NBAS: variants seen among roughly 807,000 people sequenced by gnomAD.
NBAS encodes the protein NAG/BC035112 fusion.
A neutral mutation model predicts 302.5 loss-of-function variants in NBAS; 219 were observed. That is an observed-to-expected ratio of 0.72 (90% CI 0.65 to 0.81). NBAS has a LOEUF of 0.81. NBAS is among the 30% of genes least tolerant of loss of function. The probability of loss-of-function intolerance (pLI) is 0.00; values close to 1 mark genes in which losing one functional copy is unlikely to be tolerated. For synonymous variants in NBAS, 1,118 were observed against 1,021.6 expected, an observed-to-expected ratio of 1.09 and a Z score of -1.80; for missense variants, 2,932 against 2,841.6, an observed-to-expected ratio of 1.03 and a Z score of -0.72.
At chr2:15,393,557 C>A (rs1675710387) in intron 28 of NBAS, 1 of 391,850 alleles carries the variant, frequency 2.6e-6, no homozygotes, top group Non-Finnish European at 5.2e-6. Context: ...TGAAAGTTAA[C>A]TATTCACTTA....
In NBAS at chr2:15,539,368, G is replaced by C. The variant is rs1181368551; in HGVS notation, c.380-12C>G. 6.2e-7 allele frequency: 1 copy of C among 1,614,084 alleles called. No individual in the cohort carries two copies. The highest frequency in any genetic ancestry group is 1.7e-4 in the Middle Eastern group (1 of 6,060). On this transcript the variant is annotated splice_polypyrimidine_tract_variant and intron_variant, in intron 6 of 51. Coordinates refer to ENST00000281513, the MANE Select transcript of NBAS (RefSeq NM_015909.4). ...CGGGTCTTTCGGAACTAGAACAAAA[G>C]AAAACAAGAGGTGCTTCTAACAATA...
At chr2:15,550,902 C>T (rs7568459) in intron 6 of NBAS, among the ~76,000 whole-genome samples, 96,922 of 151,954 alleles carry the variant, frequency 0.64, 31,643 homozygotes, top group Non-Finnish European at 0.68. Context: ...TTTCTTAAAG[C>T]TGCTTTCCAA....
intron 50 of NBAS, among the ~76,000 whole-genome samples, chr2:15,182,667 G>A (rs1367776323): frequency 6.6e-6 from 1 of 152,180 alleles, no homozygotes; most frequent in Non-Finnish European, 1.5e-5. Context: ...AACTGTTTAT[G>A]CCAATTTCTT....
chr2:14,844,957 C>A, the NBAS span, among the ~76,000 whole-genome samples: 1 of 152,186 alleles, frequency 6.6e-6, no homozygotes. Context: ...ACTCTGAAAC[C>A]AAATGGGGTC....
rs138477845 is a variant in NBAS, at chr2:15,389,174, G to A, written c.3257+5053C>T. ...TCTCAAACAATGATAGCCACGAGAG[G>A]GTAGATGAGTAGTTCTCCAACTCCC... is the stretch of plus-strand genomic sequence containing the variant. On this transcript the variant is annotated intron_variant, in intron 28 of 51. Transcript: ENST00000281513. 5.1e-3 allele frequency among the ~76,000 whole-genome samples: 775 copies of A among 152,254 alleles called. 3 individuals carry two copies. The highest frequency in any genetic ancestry group is 0.017 in the African/African-American group (689 of 41,542).
At chr2:15,171,068 T>C (rs1168230697) in intron 51 of NBAS, among the ~76,000 whole-genome samples, 1 of 152,232 alleles carries the variant, frequency 6.6e-6, no homozygotes, top group African/African-American at 2.4e-5. Flanking sequence ...ACTTTAGTAC[T>C]ATCTGCCACA....
the NBAS span, among the ~76,000 whole-genome samples, chr2:15,096,554 G>T: frequency 6.6e-6 from 1 of 152,156 alleles, no homozygotes; most frequent in South Asian, 2.1e-4. Flanking sequence ...TCCTCCTAAG[G>T]CCCTCAGGGC....
the NBAS span, among the ~76,000 whole-genome samples, chr2:14,809,694 C>A: frequency 7.9e-5 from 12 of 152,192 alleles, no homozygotes; most frequent in Non-Finnish European, 1.5e-4. Flanking sequence ...TGGCTACCAC[C>A]TGGTGGAGCT....
At chr2:15,368,537 T>C (rs1264225306) in intron 31 of NBAS, among the ~76,000 whole-genome samples, 1 of 152,170 alleles carries the variant, frequency 6.6e-6, no homozygotes, top group African/African-American at 2.4e-5. Context: ...TCTACAACAA[T>C]AATCCTGTTG....
At chr2:15,065,699 T>C in the NBAS span, among the ~76,000 whole-genome samples, 1 of 150,800 alleles carries the variant, frequency 6.6e-6, no homozygotes, top group Non-Finnish European at 1.5e-5. Flanking sequence ...AAAGTCTCCT[T>C]GGACAAAGAA....
chr2:15,160,435 C>T, the NBAS span, among the ~76,000 whole-genome samples: 1 of 152,124 alleles, frequency 6.6e-6, no homozygotes. Flanking sequence ...AGGGACACCC[C>T]GGGGCTGGGA....
chr2:15,458,488 G>A (rs896026974), intron 21 of NBAS, among the ~76,000 whole-genome samples: 1 of 152,138 alleles, frequency 6.6e-6, no homozygotes, highest in Admixed American at 6.5e-5. Context: ...AGTTCCAGTT[G>A]TTTAAGAGTC....
intron 11 of NBAS, among the ~76,000 whole-genome samples, chr2:15,495,889 T>C (rs1681049188): frequency 6.6e-6 from 1 of 152,112 alleles, no homozygotes; most frequent in Non-Finnish European, 1.5e-5. Context: ...ACTCCTCAAA[T>C]GGCTAAACAC....
the NBAS span, among the ~76,000 whole-genome samples, chr2:14,977,020 C>A: frequency 6.6e-6 from 1 of 152,180 alleles, no homozygotes; most frequent in Non-Finnish European, 1.5e-5. Flanking sequence ...ACCACCCTAA[C>A]AAAACTGGAA....
chr2:15,268,845 G>C lies in NBAS; in HGVS notation c.5724+6639C>G, dbSNP rs568442646. On this transcript the variant is annotated intron_variant, in intron 44 of 51. Transcript: ENST00000281513. The stretch of plus-strand genomic sequence containing the variant: ...TCTGTCTCTTAACTGATTGCAACTT[G>C]AGAATGGACAATGACAATTATTTAT... Among the ~76,000 whole-genome samples, 112 of 152,318 alleles carry C rather than the reference G, an allele frequency of 7.4e-4. 3 individuals carry two copies. In the South Asian group the frequency reaches 0.023, roughly 31 times the overall value.
chr2:14,844,414 C>T, the NBAS span, among the ~76,000 whole-genome samples: 3 of 152,174 alleles, frequency 2.0e-5, no homozygotes, highest in African/African-American at 7.2e-5. Flanking sequence ...AGTAGTTCAT[C>T]GAGGGCCTTG....
chr2:15,483,332 T>C (rs1335161838), intron 12 of NBAS: 1 of 434,500 alleles, frequency 2.3e-6, no homozygotes, highest in Non-Finnish European at 4.7e-6. Flanking sequence ...ATCTTCCCAC[T>C]TACTCTTCAT....
chr2:15,534,150 G>GT lies in NBAS; in HGVS notation c.746+392dup, dbSNP rs1367034295. Among the ~76,000 whole-genome samples the GT allele has an allele frequency of 3.3e-5, 5 of 152,296 alleles. No individual in the cohort carries two copies. The South Asian group carries it at 8.3e-4, about 25-fold the overall frequency. On this transcript the variant is annotated intron_variant, in intron 9 of 51. Transcript: ENST00000281513. ...GGAACTGTGCAACATCAGTGCAGCG[G>GT]TAACTAGCAAGGAAAGAAAGAAGGG... is the stretch of plus-strand genomic sequence containing the variant.
At chr2:15,445,233 T>C (rs988381282) in intron 21 of NBAS, among the ~76,000 whole-genome samples, 4 of 148,554 alleles carry the variant, frequency 2.7e-5, no homozygotes, top group African/African-American at 5.0e-5. Flanking sequence ...CTATTCACAA[T>C]AGCAAAGACT....
Sources: allele counts gnomAD v4.1 joint callset (sites outside exome capture counted in the v4.1 genomes callset), GRCh38; gene constraint gnomAD v4.1.1; transcripts MANE v1.5; gene names NCBI Gene and HGNC (gene_info 2026-07-23, HGNC 2026-07-21).